The following TAF15 variants were observed in gnomAD, a reference collection of about 807,000 sequenced individuals.
TAF15 encodes TATA-box binding protein associated factor 15.
Under a neutral mutation model 102.5 loss-of-function variants are expected in TAF15, and 37 were observed. That is an observed-to-expected ratio of 0.36 (90% confidence interval 0.28 to 0.47). TAF15 has a LOEUF of 0.47. TAF15 is among the 20% of genes least tolerant of loss of function. The probability of loss-of-function intolerance (pLI) is 0.99; values close to 1 mark genes in which losing one functional copy is unlikely to be tolerated. For missense variants in TAF15, 652 were observed against 760.7 expected, an observed-to-expected ratio of 0.86 and a Z score of 1.68; for synonymous variants, 273 against 259.2, an observed-to-expected ratio of 1.05 and a Z score of -0.51.
rs773164507 is a variant in TAF15, at chr17:35,844,964, T to A, written c.1665T>A (p.Gly555=). ...GAGGCTATGGAGGAGACAGGAGTGG[T>A]GGCGGCTATGGAGGAGACCGAGGTG... The part of the protein sequence containing the change: ...RSGGYGGDRS[G]GGYGGDRGGG... The change falls in exon 15 of 16, where the codon GGT becomes GGA. Residue 555 remains glycine (G), a synonymous_variant. Transcript: ENST00000605844. 3.1e-5 allele frequency: 50 copies of A among 1,592,720 alleles called. No homozygotes were observed. In the Admixed American group the frequency reaches 8.5e-4, roughly 27 times the overall value.
Position 35,846,981 on chromosome 17 carries a change from T to C in TAF15, c.*36T>C. 1 of 1,608,934 alleles carries C rather than the reference T, an allele frequency of 6.2e-7. No homozygotes were observed. The highest frequency in any genetic ancestry group is 8.5e-7 in the Non-Finnish European group (1 of 1,177,036). On this transcript the variant is annotated 3_prime_UTR_variant, in exon 16 of 16. Transcript: ENST00000605844. Reference sequence around the variant, plus strand: ...GAATGTTCCTTTGTCTCTGACATGATCCATAGTGAAATTGCCAGAGTTTTG... The same window carrying C: ...GAATGTTCCTTTGTCTCTGACATGACCCATAGTGAAATTGCCAGAGTTTTG...
chr17:35,817,177 C>A (rs963361428), intron 1 of TAF15: 1 of 151,634 alleles, frequency 6.6e-6, no homozygotes, highest in Non-Finnish European at 1.5e-5. Flanking sequence ...TTGGCTGAAT[C>A]CCTGAAAGCT....
chr17:35,827,881 G>A (rs1165714813), intron 7 of TAF15, among the ~76,000 whole-genome samples: 2 of 151,958 alleles, frequency 1.3e-5, no homozygotes, highest in African/African-American at 2.4e-5. Flanking sequence ...AAGATTATAG[G>A]GACTACAGGA....
Position 35,824,067 on chromosome 17 carries a change from C to CTT in TAF15, c.485-6_485-5dup. On this transcript the variant is annotated splice_polypyrimidine_tract_variant and intron_variant, in intron 6 of 15. Transcript: ENST00000605844. ...AGTGGTTATTTGTGTGTAATATTTT[C>CTT]TTTTTTGTAGATGACCGTCGTGATG... is the stretch of plus-strand genomic sequence containing the variant. The CTT allele has an allele frequency of 6.2e-7, 1 of 1,613,936 alleles. No individual in the cohort carries two copies. The highest frequency in any genetic ancestry group is 8.5e-7 in the Non-Finnish European group (1 of 1,179,962).
Position 35,846,892 on chromosome 17 carries a change from T to C in TAF15, c.1740-14T>C. 1 of 1,614,170 alleles carries C rather than the reference T, an allele frequency of 6.2e-7. No homozygotes were observed. Among genetic ancestry groups the C allele is most frequent in the South Asian group, 1.1e-5 (1 of 91,076 alleles). On this transcript the variant is annotated splice_polypyrimidine_tract_variant and intron_variant, in intron 15 of 15. Transcript: ENST00000605844. Reference sequence around the variant, plus strand: ...AATTAGAATTTAGTCCGGCTCTTTATTTTTCATTCCTAGAAACGACTACAG... The same window carrying C: ...AATTAGAATTTAGTCCGGCTCTTTACTTTTCATTCCTAGAAACGACTACAG...
chr17:35,840,377 G>C lies in TAF15; in HGVS notation c.913+1824G>C, dbSNP rs143315928. ...CGCCATTCTCCTGCCTCAGCCTCCC[G>C]AGTAGCTGGGACTACAGGTACATGC... is the stretch of plus-strand genomic sequence containing the variant. On this transcript the variant is annotated intron_variant, in intron 11 of 15. Transcript: ENST00000605844. 4.1e-5 allele frequency among the ~76,000 whole-genome samples: 6 copies of C among 146,058 alleles called. No homozygotes were observed. The East Asian group carries it at 1.3e-3, about 31-fold the overall frequency.
chr17:35,811,407 A>T (rs557598185), intron 1 of TAF15: 5 of 152,326 alleles, frequency 3.3e-5, no homozygotes, highest in Admixed American at 3.3e-4. Context: ...TACTTACTAG[A>T]CGCTTGTTTT....
intron 7 of TAF15, among the ~76,000 whole-genome samples, chr17:35,829,631 CAAAAAAAAA>C (rs746776421): frequency 0.06 from 1,973 of 33,072 alleles, 46 homozygotes; most frequent in South Asian, 0.17. Context: ...GACTCCATCT[CAAAAAAAAA>C]AAAAAAAAAA....
In TAF15 at chr17:35,836,927, C is replaced by T. The variant is rs189108333; in HGVS notation, c.783+686C>T. Among the ~76,000 whole-genome samples the T allele has an allele frequency of 2.8e-3, 424 of 151,966 alleles. 5 individuals are homozygous for T. The highest frequency in any genetic ancestry group is 9.9e-3 in the African/African-American group (411 of 41,456). On this transcript the variant is annotated intron_variant, in intron 10 of 15. Coordinates refer to ENST00000605844, the MANE Select transcript of TAF15 (RefSeq NM_139215.3). ...TGAGTAGCTGGGACTACAGGCGCTA[C>T]CACGCCCAGCTAATTTTTGTATTTT... is the stretch of plus-strand genomic sequence containing the variant.
intron 14 of TAF15, 51 bp downstream of exon 14, chr17:35,844,419 A>G: frequency 6.2e-7 from 1 of 1,612,514 alleles, no homozygotes; most frequent in Non-Finnish European, 8.5e-7. Context: ...TCTGACTAGC[A>G]TTAAGGGGGC....
chr17:35,826,360 C>G (rs752112035), intron 7 of TAF15, among the ~76,000 whole-genome samples: 1 of 152,024 alleles, frequency 6.6e-6, no homozygotes, highest in African/African-American at 2.4e-5. Flanking sequence ...GCCGATTACT[C>G]TTTATATTGA....
intron 11 of TAF15, 143 bp downstream of exon 11, chr17:35,838,696 C>A (rs1405695982): frequency 3.2e-6 from 4 of 1,253,362 alleles, no homozygotes; most frequent in Non-Finnish European, 4.5e-6. Context: ...TTTTTATGTA[C>A]CTTTAGAAAT....
chr17:35,816,864 G>A (rs1231760186), intron 1 of TAF15: 1 of 113,054 alleles, frequency 8.8e-6, no homozygotes, highest in Non-Finnish European at 1.6e-5. Context: ...ATTCAGTCGT[G>A]CAGGCTGGAG....
chr17:35,813,321 A>T (rs558158770), intron 1 of TAF15, among the ~76,000 whole-genome samples: 1 of 152,146 alleles, frequency 6.6e-6, no homozygotes, highest in East Asian at 1.9e-4. Flanking sequence ...CCAGCATTCA[A>T]TTCAGGGGGA....
chr17:35,844,082 G>A lies in TAF15; in HGVS notation c.1012G>A (p.Gly338Arg). The A allele has an allele frequency of 6.2e-7, 1 of 1,614,178 alleles. No homozygotes were observed. The highest frequency in any genetic ancestry group is 8.5e-7 in the Non-Finnish European group (1 of 1,180,024). ...CCCTGGCCCCATCCCCCTAGGCCGT[G>A]GAGGATATAGAGGTCGTGGAGGCTT... ...GGSGGGRRGRGGYRGRGGFQG... is the reference protein window; with the variant it reads ...GGSGGGRRGRRGYRGRGGFQG... The change falls in exon 13 of 16, where the codon GGA becomes AGA. Residue 338 changes from glycine to arginine, a missense_variant. Coordinates refer to ENST00000605844, the MANE Select transcript of TAF15 (RefSeq NM_139215.3).
At chr17:35,812,583 CAAAAAAAAAAAA>C (rs34497840) in intron 1 of TAF15, among the ~76,000 whole-genome samples, 1 of 66,280 alleles carries the variant, frequency 1.5e-5, no homozygotes, top group Non-Finnish European at 3.0e-5. Flanking sequence ...AACTCTATCT[CAAAAAAAAAAAA>C]AAAAAAAAAA....
intron 10 of TAF15, among the ~76,000 whole-genome samples, chr17:35,837,378 C>T (rs1199495863): frequency 1.3e-5 from 2 of 151,992 alleles, no homozygotes; most frequent in Non-Finnish European, 2.9e-5. Flanking sequence ...TGGTCTTGAG[C>T]TCCTGGGCTC....
chr17:35,835,591 G>C (rs1036466492), intron 9 of TAF15, among the ~76,000 whole-genome samples: 2 of 152,116 alleles, frequency 1.3e-5, no homozygotes, highest in East Asian at 3.8e-4. Context: ...TTCTTTCTTT[G>C]TTGTACTAAT....
At chr17:35,842,299 T>G (rs1362887921) in intron 11 of TAF15, 68 bp from the exon 12 acceptor site, 1 of 1,232,776 alleles carries the variant, frequency 8.1e-7, no homozygotes, top group African/African-American at 1.5e-5. Flanking sequence ...TTCCAAGACT[T>G]TTTCATTTTT....
Sources: allele counts gnomAD v4.1 joint callset (sites outside exome capture counted in the v4.1 genomes callset), GRCh38; gene constraint gnomAD v4.1.1; transcripts MANE v1.5; gene names NCBI Gene and HGNC (gene_info 2026-07-23, HGNC 2026-07-21).